Variants in PDE7B observed in about 807,000 individuals in gnomAD.
PDE7B encodes phosphodiesterase 7B.
Under a neutral mutation model 56.2 loss-of-function variants are expected in PDE7B, and 29 were observed. The observed-to-expected ratio is 0.52, with a 90% CI of 0.38 to 0.70. PDE7B has a LOEUF of 0.70. Ranked by LOEUF, PDE7B falls within the 30% of genes least tolerant of loss-of-function variation. PDE7B has a pLI of 0.00. For missense variants in PDE7B, 490 were observed against 565.0 expected (o/e 0.87, Z 1.35); for synonymous variants, 197 against 196.9 (o/e 1.00, Z 0.00).
chr6:136,051,381 T>C (rs1306548427), intron 2 of PDE7B, among the ~76,000 whole-genome samples: 1 of 152,226 alleles, frequency 6.6e-6, no homozygotes, highest in Non-Finnish European at 1.5e-5. Flanking sequence ...ATCGCGAGCA[T>C]CCGCGAGTTC....
At chr6:136,175,930 T>G (rs947378620) in intron 9 of PDE7B, among the ~76,000 whole-genome samples, 1 of 152,142 alleles carries the variant, frequency 6.6e-6, no homozygotes, top group Admixed American at 6.5e-5. Flanking sequence ...ATCACCAAAA[T>G]TGAGTTTATT....
In PDE7B at chr6:135,886,561, A is replaced by G. The variant is rs78146170; in HGVS notation, c.21+34542A>G. The stretch of plus-strand genomic sequence containing the variant: ...CCTGAGTCCCCAAAGTTCAAACATC[A>G]CACTTATGTCTTTGTGTCCTCATAG... On this transcript the variant is annotated intron_variant, in intron 1 of 12. Transcript: ENST00000308191. Among the ~76,000 whole-genome samples the G allele has an allele frequency of 6.8e-3, 1,038 of 152,064 alleles. 8 individuals are homozygous for G. The highest frequency in any genetic ancestry group is 0.024 in the African/African-American group (993 of 41,476).
At chr6:136,167,711 A>C (rs920648312) in intron 8 of PDE7B, among the ~76,000 whole-genome samples, 1 of 152,226 alleles carries the variant, frequency 6.6e-6, no homozygotes, top group Non-Finnish European at 1.5e-5. Flanking sequence ...CACATATCAC[A>C]GTGCCTAGAA....
chr6:135,951,618 T>G (rs1774700441), intron 2 of PDE7B, among the ~76,000 whole-genome samples: 3 of 152,160 alleles, frequency 2.0e-5, no homozygotes, highest in Non-Finnish European at 4.4e-5. Flanking sequence ...CTTCTTTGTA[T>G]CTCCTATTTT....
intron 3 of PDE7B, among the ~76,000 whole-genome samples, chr6:136,120,185 G>C (rs554243924): frequency 1.7e-4 from 26 of 152,280 alleles, no homozygotes; most frequent in African/African-American, 6.0e-4. Context: ...TAAAGTACTT[G>C]ACTTATAGTG....
chr6:135,942,129 CT>C (rs35795149), intron 1 of PDE7B, among the ~76,000 whole-genome samples: 24,210 of 151,996 alleles, frequency 0.16, 2,370 homozygotes, highest in African/African-American at 0.27. Context: ...TATAATTTTT[CT>C]TTAAGGAAAA....
At chr6:136,172,851 C>G (rs1244132628) in intron 8 of PDE7B, among the ~76,000 whole-genome samples, 1 of 152,098 alleles carries the variant, frequency 6.6e-6, no homozygotes, top group Non-Finnish European at 1.5e-5. Flanking sequence ...CATTCTTATA[C>G]ACCAATAACA....
intron 7 of PDE7B, among the ~76,000 whole-genome samples, chr6:136,154,989 T>C (rs1223542842): frequency 6.6e-6 from 1 of 152,214 alleles, no homozygotes; most frequent in African/African-American, 2.4e-5. Context: ...CATTAATGGC[T>C]CTGTTTTTTA....
At chr6:135,917,895 G>A (rs536961717) in intron 1 of PDE7B, among the ~76,000 whole-genome samples, 9 of 152,172 alleles carry the variant, frequency 5.9e-5, no homozygotes, top group African/African-American at 1.9e-4. Flanking sequence ...CCAAGGTGTC[G>A]GTGAGCCCGC....
At chr6:136,039,558 G>T (rs886372483) in intron 2 of PDE7B, among the ~76,000 whole-genome samples, 1 of 152,070 alleles carries the variant, frequency 6.6e-6, no homozygotes, top group Non-Finnish European at 1.5e-5. Context: ...TTTATGCCAG[G>T]AACTTTTTTT....
intron 2 of PDE7B, among the ~76,000 whole-genome samples, chr6:135,970,355 G>C (rs964208920): frequency 6.6e-6 from 1 of 152,180 alleles, no homozygotes; most frequent in Non-Finnish European, 1.5e-5. Context: ...GGTGGAACAA[G>C]AGGAAGGCCA....
intron 1 of PDE7B, among the ~76,000 whole-genome samples, chr6:135,936,643 A>G (rs71576385): frequency 0.018 from 2,666 of 152,254 alleles, 28 homozygotes; most frequent in Middle Eastern, 0.037. Context: ...GTGAGAGTCA[A>G]GTCAAGGAAT....
rs906155870 is a variant in PDE7B, at chr6:136,108,740, G to C, written c.92G>C (p.Arg31Pro). ...ATTTTCTGTTTTCTAGGAGATATAC[G>C]ACTAAGGGGTCAGACGGGGGTTCGT... Reference protein sequence around the residue: ...AKCVCMLGDIRLRGQTGVRAE... With the variant: ...AKCVCMLGDIPLRGQTGVRAE... Residue 31 changes from arginine (R) to proline (P), a missense_variant, in exon 3 of 13, where the codon CGA becomes CCA. Coordinates refer to ENST00000308191, the MANE Select transcript of PDE7B (RefSeq NM_018945.4). 3.1e-6 allele frequency: 5 copies of C among 1,606,842 alleles called. No homozygotes were observed. The highest frequency in any genetic ancestry group is 2.6e-6 in the Non-Finnish European group (3 of 1,173,552).
intron 2 of PDE7B, among the ~76,000 whole-genome samples, chr6:136,089,480 C>A (rs945581877): frequency 6.6e-6 from 1 of 152,196 alleles, no homozygotes; most frequent in South Asian, 2.1e-4. Context: ...GAGAAAGATG[C>A]AATTGTTCAT....
chr6:136,121,022 A>AT (rs1248757726), intron 3 of PDE7B, among the ~76,000 whole-genome samples: 2 of 152,048 alleles, frequency 1.3e-5, no homozygotes, highest in Non-Finnish European at 2.9e-5. Flanking sequence ...TCCTGAACTC[A>AT]TTTGTGCTCT....
At chr6:135,914,811 C>T (rs1323806759) in intron 1 of PDE7B, among the ~76,000 whole-genome samples, 4 of 146,808 alleles carry the variant, frequency 2.7e-5, no homozygotes, top group Non-Finnish European at 6.1e-5. Context: ...AGACTCATTC[C>T]TGGCCTGGCG....
chr6:136,110,711 C>CA (rs146421096), intron 3 of PDE7B, among the ~76,000 whole-genome samples: 1 of 138,636 alleles, frequency 7.2e-6, no homozygotes, highest in Non-Finnish European at 1.5e-5. Context: ...GATTCTGCAA[C>CA]ATTTTTTTTT....
intron 2 of PDE7B, among the ~76,000 whole-genome samples, chr6:136,054,716 C>A (rs957158485): frequency 6.6e-6 from 1 of 152,106 alleles, no homozygotes; most frequent in Non-Finnish European, 1.5e-5. Context: ...TTGTTTGTAT[C>A]TTCTTTTATT....
intron 2 of PDE7B, among the ~76,000 whole-genome samples, chr6:135,959,852 C>A (rs1162084930): frequency 6.6e-6 from 1 of 152,270 alleles, no homozygotes; most frequent in East Asian, 1.9e-4. Flanking sequence ...GAGCTCGCTG[C>A]CTCCTGGAAT....
Sources: allele counts gnomAD v4.1 joint callset (sites outside exome capture counted in the v4.1 genomes callset), GRCh38; gene constraint gnomAD v4.1.1; transcripts MANE v1.5; gene names NCBI Gene and HGNC (gene_info 2026-07-23, HGNC 2026-07-21).